Variants in CADM2 observed in about 807,000 individuals in gnomAD.
The protein encoded by CADM2 is immunoglobulin superfamily member 4D.
In CADM2, 12 loss-of-function variants were observed where a neutral mutation model predicts 49.8. The ratio of observed to expected loss-of-function variants is 0.24; its 90% confidence interval spans 0.15 to 0.39. The LOEUF is 0.39. Among genes scored for constraint, CADM2 ranks in the 10% least tolerant of loss-of-function variants. The pLI is 1.00. For synonymous variants in CADM2, 214 were observed against 175.4 expected (o/e 1.22, Z -1.74); for missense variants, 378 against 492.3 (o/e 0.77, Z 2.20).
chr3:85,803,500 A>ATAG (rs2072191944), intron 3 of CADM2, among the ~76,000 whole-genome samples: 2 of 149,420 alleles, frequency 1.3e-5, no homozygotes, highest in African/African-American at 5.0e-5. Context: ...TAGATAGATA[A>ATAG]ATAGATAGAT....
At chr3:85,649,890 C>T (rs11915747) in intron 1 of CADM2, among the ~76,000 whole-genome samples, 2 of 151,848 alleles carry the variant, frequency 1.3e-5, no homozygotes, top group African/African-American at 2.4e-5. Flanking sequence ...CAGGTCTGTG[C>T]GAGAGGAAGT....
At chr3:85,507,113 T>G (rs2107677833) in intron 1 of CADM2, among the ~76,000 whole-genome samples, 1 of 152,218 alleles carries the variant, frequency 6.6e-6, no homozygotes, top group African/African-American at 2.4e-5. Context: ...TTTGTAAAGT[T>G]ATTTCTGTGA....
At chr3:85,911,261 A>T (rs181975192) in intron 5 of CADM2, among the ~76,000 whole-genome samples, 31 of 152,280 alleles carry the variant, frequency 2.0e-4, no homozygotes, top group African/African-American at 7.5e-4. Flanking sequence ...AACCTTTAAA[A>T]TTGCCCTCTT....
intron 1 of CADM2, among the ~76,000 whole-genome samples, chr3:85,240,089 C>G (rs2042495414): frequency 6.6e-6 from 1 of 151,308 alleles, no homozygotes; most frequent in Non-Finnish European, 1.5e-5. Flanking sequence ...TGGTATCATT[C>G]ATAAAATGTG....
At chr3:85,745,240 G>C (rs753555404) in intron 2 of CADM2, among the ~76,000 whole-genome samples, 20 of 152,040 alleles carry the variant, frequency 1.3e-4, no homozygotes, top group Non-Finnish European at 2.8e-4. Context: ...TTGCTCTTTG[G>C]GGAAATTTTA....
intron 8 of CADM2, among the ~76,000 whole-genome samples, chr3:86,052,110 T>C (rs1737413641): frequency 6.6e-6 from 1 of 152,212 alleles, no homozygotes; most frequent in Non-Finnish European, 1.5e-5. Context: ...CACAATTTGT[T>C]ATAGAAACAT....
At chr3:85,168,375 G>C (rs911993221) in intron 1 of CADM2, among the ~76,000 whole-genome samples, 14 of 152,028 alleles carry the variant, frequency 9.2e-5, no homozygotes, top group Non-Finnish European at 1.9e-4. Flanking sequence ...AAACTTTATA[G>C]CTTTAGTTTT....
At chr3:85,482,842 G>C (rs1445673302) in intron 1 of CADM2, among the ~76,000 whole-genome samples, 2 of 151,406 alleles carry the variant, frequency 1.3e-5, no homozygotes, top group Admixed American at 1.3e-4. Context: ...TATTTAAACA[G>C]TAAATTTTAT....
intron 1 of CADM2, among the ~76,000 whole-genome samples, chr3:85,370,190 G>A (rs866236582): frequency 6.8e-6 from 1 of 146,320 alleles, no homozygotes; most frequent in Non-Finnish European, 1.5e-5. Context: ...TCCAGCCTGG[G>A]ACACAAGAAC....
chr3:85,798,935 C>G (rs1244573942), intron 2 of CADM2, among the ~76,000 whole-genome samples: 1 of 152,092 alleles, frequency 6.6e-6, no homozygotes, highest in South Asian at 2.1e-4. Context: ...TTTTTGTCCC[C>G]TCTTATTTTT....
chr3:85,112,046 T>C (rs190001234), intron 1 of CADM2, among the ~76,000 whole-genome samples: 5 of 152,028 alleles, frequency 3.3e-5, no homozygotes, highest in African/African-American at 1.2e-4. Context: ...TTTCTAAGTT[T>C]TTAACAATGT....
At chr3:85,973,306 G>A (rs1726376621) in intron 8 of CADM2, among the ~76,000 whole-genome samples, 1 of 151,674 alleles carries the variant, frequency 6.6e-6, no homozygotes, top group Non-Finnish European at 1.5e-5. Flanking sequence ...GTTCAGAAAT[G>A]TAGTGCACCA....
At chr3:85,593,428 G>A (rs1444708003) in intron 1 of CADM2, among the ~76,000 whole-genome samples, 4 of 151,976 alleles carry the variant, frequency 2.6e-5, no homozygotes, top group Non-Finnish European at 5.9e-5. Flanking sequence ...TGAACAGAGT[G>A]TATCAGATTA....
chr3:85,116,261 G>A (rs971451018), intron 1 of CADM2, among the ~76,000 whole-genome samples: 3 of 152,334 alleles, frequency 2.0e-5, no homozygotes, highest in African/African-American at 4.8e-5. Flanking sequence ...GGGAGGCAGA[G>A]GTTGCAGTGA....
chr3:85,917,227 C>G (rs1306803118), intron 6 of CADM2, among the ~76,000 whole-genome samples: 3 of 152,224 alleles, frequency 2.0e-5, no homozygotes, highest in African/African-American at 7.2e-5. Context: ...GTGTTTTAGT[C>G]ATGAAGTCCT....
chr3:85,176,962 A>G (rs138744257), intron 1 of CADM2, among the ~76,000 whole-genome samples: 252 of 152,314 alleles, frequency 1.7e-3, no homozygotes, highest in Admixed American at 2.6e-3. Flanking sequence ...CAGGCTCTGC[A>G]GGCATAAAGC....
chr3:85,699,445 A>G (rs2066678810), intron 1 of CADM2, among the ~76,000 whole-genome samples: 1 of 152,322 alleles, frequency 6.6e-6, no homozygotes, highest in South Asian at 2.1e-4. Flanking sequence ...TTCTGCTTAG[A>G]CATTTAGGCT....
chr3:85,853,717 G>A (rs550271112), intron 3 of CADM2, among the ~76,000 whole-genome samples: 13 of 151,322 alleles, frequency 8.6e-5, no homozygotes, highest in Middle Eastern at 3.4e-3. Context: ...GAGAAATCAT[G>A]AGAAAATAAA....
intron 1 of CADM2, among the ~76,000 whole-genome samples, chr3:85,676,754 A>G (rs1220754002): frequency 6.6e-6 from 1 of 152,034 alleles, no homozygotes; most frequent in Non-Finnish European, 1.5e-5. Flanking sequence ...TGCTTTTTGT[A>G]TACAAGCATC....
Sources: gnomAD v4.1 joint callset for allele counts (sites outside exome capture counted in the v4.1 genomes callset) on GRCh38, gnomAD v4.1.1 for gene constraint, MANE v1.5 for transcripts, NCBI Gene and HGNC (gene_info 2026-07-23, HGNC 2026-07-21) for gene names.